The following MOGAT1 variants were observed in gnomAD, a reference collection of about 807,000 sequenced individuals.
The protein encoded by MOGAT1 is 2-acylglycerol O-acyltransferase 1.
In MOGAT1, 32 loss-of-function variants were observed where a neutral mutation model predicts 31.4. The ratio of observed to expected loss-of-function variants is 1.02; its 90% CI spans 0.77 to 1.37. The LOEUF (loss-of-function observed/expected upper bound fraction) is 1.37. MOGAT1 is among the 40% of genes most tolerant of loss of function. MOGAT1 has a pLI of 0.00. For synonymous variants in MOGAT1, 145 were observed against 144.5 expected (o/e 1.00, Z -0.03); for missense variants, 426 against 402.0 (o/e 1.06, Z -0.51).
chr2:222,693,927 G>T (rs562963286), intron 3 of MOGAT1, among the ~76,000 whole-genome samples: 108 of 152,260 alleles, frequency 7.1e-4, no homozygotes, highest in African/African-American at 2.2e-3. Context: ...ATCCACTGCA[G>T]CCTCTTGGAG....
chr2:222,704,102 G>A (rs548694202), intron 5 of MOGAT1, among the ~76,000 whole-genome samples: 24 of 152,300 alleles, frequency 1.6e-4, no homozygotes, highest in Non-Finnish European at 1.6e-4. Context: ...TATGATTCCT[G>A]ACTCTGTCAC....
chr2:222,681,487 C>G (rs1692579940), intron 1 of MOGAT1, among the ~76,000 whole-genome samples: 1 of 152,148 alleles, frequency 6.6e-6, no homozygotes, highest in Admixed American at 6.5e-5. Context: ...GTTTCTGTCC[C>G]CATGGTGTTG....
chr2:222,703,357 A>C (rs553583651), intron 5 of MOGAT1, among the ~76,000 whole-genome samples: 2 of 151,690 alleles, frequency 1.3e-5, no homozygotes. Context: ...AGAAAAGGGG[A>C]GGTTAGAGTG....
At chr2:222,672,023 T>C (rs1183975111) in intron 1 of MOGAT1, 144 bp downstream of exon 1, 2 of 629,984 alleles carry the variant, frequency 3.2e-6, no homozygotes, top group African/African-American at 3.7e-5. Context: ...CATTTGGAGC[T>C]AACGTGGACT....
At chr2:222,680,537 A>T (rs1408044116) in intron 1 of MOGAT1, among the ~76,000 whole-genome samples, 1 of 152,238 alleles carries the variant, frequency 6.6e-6, no homozygotes, top group Non-Finnish European at 1.5e-5. Flanking sequence ...CACAATCCTT[A>T]AAAACTCTGG....
rs368324188 is a variant in MOGAT1, at chr2:222,705,974, T to C, written c.854-3762T>C. On this transcript the variant is annotated intron_variant, in intron 5 of 5. Transcript: ENST00000446656. ...TTCTGGCTTCATCCCTAAAATGCAA[T>C]TGAGAAAGATTTCTTACTCTCTAAT... Among the ~76,000 whole-genome samples, 7 of 152,302 alleles carry C rather than the reference T, an allele frequency of 4.6e-5. No homozygotes were observed. In the South Asian group the frequency reaches 1.2e-3, roughly 27 times the overall value.
rs760629474 is a variant in MOGAT1, at chr2:222,694,551, G to C, written c.653+15G>C. The C allele has an allele frequency of 2.2e-5, 36 of 1,610,150 alleles. No homozygotes were observed. ...TTGACCCATGGGTAAGTGGCTTTTT[G>C]TATAAAGTAGGGGGTCAGAAAAGTT... is the stretch of plus-strand genomic sequence containing the variant. On this transcript the variant is annotated intron_variant, in intron 4 of 5. Coordinates refer to ENST00000446656, the MANE Select transcript of MOGAT1 (RefSeq NM_058165.3).
At chr2:222,682,287 C>T (rs1448313553) in intron 1 of MOGAT1, among the ~76,000 whole-genome samples, 1 of 152,192 alleles carries the variant, frequency 6.6e-6, no homozygotes, top group Non-Finnish European at 1.5e-5. Flanking sequence ...CTATCATACC[C>T]AAGAAATTTA....
At chr2:222,680,425 C>T (rs1174099386) in intron 1 of MOGAT1, among the ~76,000 whole-genome samples, 5 of 149,278 alleles carry the variant, frequency 3.3e-5, no homozygotes, top group Admixed American at 6.6e-5. Context: ...AGGTATTTCC[C>T]TGTATGTAAC....
At chr2:222,689,724 A>G (rs1394902969) in intron 3 of MOGAT1, among the ~76,000 whole-genome samples, 2 of 152,358 alleles carry the variant, frequency 1.3e-5, no homozygotes, top group Non-Finnish European at 2.9e-5. Context: ...GAAATGTTCA[A>G]TGAATATTAA....
At chr2:222,687,964 G>A (rs964273296) in intron 1 of MOGAT1, among the ~76,000 whole-genome samples, 1 of 152,146 alleles carries the variant, frequency 6.6e-6, no homozygotes, top group African/African-American at 2.4e-5. Context: ...ATGCTGTGTG[G>A]CTTGGGCAAC....
chr2:222,700,666 A>T (rs1574976823), intron 5 of MOGAT1, among the ~76,000 whole-genome samples: 1 of 152,350 alleles, frequency 6.6e-6, no homozygotes, highest in African/African-American at 2.4e-5. Flanking sequence ...TCAAGACTGT[A>T]TTTAAAGACT....
At chr2:222,691,766 C>A (rs1008119959) in intron 3 of MOGAT1, among the ~76,000 whole-genome samples, 4 of 152,158 alleles carry the variant, frequency 2.6e-5, no homozygotes, top group African/African-American at 9.7e-5. Context: ...CCAGACCTCA[C>A]GTAGTAAGGA....
chr2:222,696,534 T>C (rs1248754879), intron 5 of MOGAT1, among the ~76,000 whole-genome samples: 1 of 152,262 alleles, frequency 6.6e-6, no homozygotes, highest in African/African-American at 2.4e-5. Flanking sequence ...GAGCATTTTT[T>C]CATATGTTTG....
intron 1 of MOGAT1, among the ~76,000 whole-genome samples, chr2:222,686,951 A>G (rs1274089049): frequency 1.3e-5 from 2 of 151,684 alleles, no homozygotes; most frequent in Non-Finnish European, 1.5e-5. Flanking sequence ...TGTCTCTACT[A>G]AAAAATACAA....
rs141262848 is a variant in MOGAT1, at chr2:222,674,743, G to T, written c.94+2864G>T. Among the ~76,000 whole-genome samples the T allele has an allele frequency of 5.1e-3, 780 of 152,216 alleles. 6 individuals carry two copies. The highest frequency in any genetic ancestry group is 7.5e-3 in the Non-Finnish European group (513 of 68,016). ...TTTTGTGTGTAACCATAGTACTCTT[G>T]TCATACCTAGCATAGTTAACAAAAA... On this transcript the variant is annotated intron_variant, in intron 1 of 5. Transcript: ENST00000446656.
chr2:222,689,105 G>A (rs1692720055), intron 2 of MOGAT1, among the ~76,000 whole-genome samples, 160 bp from the exon 3 acceptor site: 1 of 152,252 alleles, frequency 6.6e-6, no homozygotes, highest in African/African-American at 2.4e-5. Context: ...TCTGGGCTCA[G>A]AAGATAGTTT....
chr2:222,703,325 AT>A (rs1692955585), intron 5 of MOGAT1, among the ~76,000 whole-genome samples: 1 of 152,174 alleles, frequency 6.6e-6, no homozygotes, highest in Non-Finnish European at 1.5e-5. Context: ...CTACAGAGGA[AT>A]TTTGTTTCCT....
rs180998784 is a variant in MOGAT1, at chr2:222,694,995, T to A, written c.654-94T>A. On this transcript the variant is annotated intron_variant, in intron 4 of 5. Transcript: ENST00000446656. ...GGAAGGCTTGGGCACATTTAAAAAA[T>A]TTTTCAGAAGTTGTTGCAAGAGTCA... is the stretch of plus-strand genomic sequence containing the variant. 2.1e-3 allele frequency: 2,002 copies of A among 973,100 alleles called. 19 individuals carry two copies. The African/African-American group carries it at 0.025, about 12-fold the overall frequency. 60.3% of individuals were successfully genotyped at this position (973,100 alleles called of 1,614,324 possible). A position where few individuals can be genotyped will look rare whatever the true frequency, so the allele number is the denominator to read the frequency against.
Sources: allele counts gnomAD v4.1 joint callset (sites outside exome capture counted in the v4.1 genomes callset), GRCh38; gene constraint gnomAD v4.1.1; transcripts MANE v1.5; gene names NCBI Gene and HGNC (gene_info 2026-07-23, HGNC 2026-07-21).